Variants in DCDC2B observed in about 807,000 individuals in gnomAD.
The protein encoded by DCDC2B is doublecortin domain-containing protein 2B.
In DCDC2B, 41 loss-of-function variants were observed where a neutral mutation model predicts 38.9. The observed-to-expected ratio is 1.05, with a 90% CI of 0.82 to 1.37. The LOEUF is 1.37. DCDC2B is among the 40% of genes most tolerant of loss of function. The pLI is 0.00. For synonymous variants in DCDC2B, 181 were observed against 171.9 expected (o/e 1.05, Z -0.41); for missense variants, 453 against 427.2 (o/e 1.06, Z -0.53).
rs1229510629 is a variant in DCDC2B at position 32,214,491 on chromosome 1, T to C, written c.715-306T>C. 2.0e-5 allele frequency: 7 copies of C among 356,530 alleles called. No homozygotes were observed. The East Asian group carries it at 2.2e-4, about 11-fold the overall frequency. The allele number at this position is 356,530 out of a possible 1,614,324, so 22.1% of individuals were successfully genotyped here. A position where few individuals can be genotyped will look rare whatever the true frequency, so the allele number is the denominator to read the frequency against. On this transcript the variant is annotated intron_variant, in intron 6 of 8. Coordinates refer to ENST00000409358, the MANE Select transcript of DCDC2B (RefSeq NM_001099434.2). ...GCACAGCAGGGTCCAAGGGAACTTA[T>C]ATTATCCAGCTCTAAGCCCTCCCAA...
In DCDC2B at chr1:32,215,505, G is replaced by C; in HGVS notation, c.916G>C (p.Asp306His). 1 of 1,613,858 alleles carries C rather than the reference G, an allele frequency of 6.2e-7. No homozygotes were observed. Among genetic ancestry groups the C allele is most frequent in the Non-Finnish European group, 8.5e-7 (1 of 1,179,844 alleles). The change falls in exon 8 of 9, where the codon GAT (aspartate) becomes CAT (histidine). Residue 306 changes from aspartate (D) to histidine (H), a missense_variant. By Grantham distance (81) the Asp-to-His change is moderately conservative. Coordinates refer to ENST00000409358, the MANE Select transcript of DCDC2B (RefSeq NM_001099434.2). ...GACAGCGGGGGCCCTGGAAGTAGCAGATGATGAAGACACTCAGACAGAGGA... is the reference window on the plus strand; with the variant it reads ...GACAGCGGGGGCCCTGGAAGTAGCACATGATGAAGACACTCAGACAGAGGA... ...KETAGALEVA[D>H]DEDTQTEEPL...
intron 1 of DCDC2B, 72 bp downstream of exon 1, chr1:32,209,431 C>A (rs1256767388): frequency 1.3e-6 from 2 of 1,555,282 alleles, no homozygotes; most frequent in African/African-American, 1.4e-5. Flanking sequence ...CAGTACCTAC[C>A]ATGTATGTAC....
At chr1:32,213,902 T>G (rs1643688788) in intron 6 of DCDC2B, among the ~76,000 whole-genome samples, 1 of 151,960 alleles carries the variant, frequency 6.6e-6, no homozygotes, top group Admixed American at 6.6e-5. Flanking sequence ...TCTGCCCACC[T>G]CAGCCTCCCA....
At chr1:32,215,732 C>A (rs1028572621) in intron 8 of DCDC2B, 70 bp from the exon 9 acceptor site, 1 of 1,311,120 alleles carries the variant, frequency 7.6e-7, no homozygotes, top group African/African-American at 1.5e-5. Flanking sequence ...GGGTTGGGGA[C>A]CTCCTGGCTG....
Position 32,209,251 on chromosome 1 carries a change from T to C in DCDC2B, c.158T>C (p.Val53Ala). The change falls in exon 1 of 9, where the codon GTG (valine) becomes GCG (alanine). Residue 53 changes from valine to alanine, a missense_variant. Physicochemically the swap from Val to Ala is moderately conservative, Grantham distance 64. Transcript: ENST00000409358. ...VTSAVQAPLA[V>A]RALYTPCHGH... ...TCAGCTGTGCAGGCCCCACTGGCTGTGCGTGCCCTCTACACACCTTGTCAT... is the reference window on the plus strand; with the variant it reads ...TCAGCTGTGCAGGCCCCACTGGCTGCGCGTGCCCTCTACACACCTTGTCAT... 1 of 1,614,008 alleles carries C rather than the reference T, an allele frequency of 6.2e-7. No individual in the cohort carries two copies. The highest frequency in any genetic ancestry group is 2.2e-5 in the East Asian group (1 of 44,878).
intron 1 of DCDC2B, 82 bp downstream of exon 1, chr1:32,209,441 C>A: frequency 6.5e-7 from 1 of 1,547,046 alleles, no homozygotes; most frequent in Non-Finnish European, 8.7e-7. Flanking sequence ...CATGTATGTA[C>A]CAGCATGTTA....
At chr1:32,211,179 T>G in intron 1 of DCDC2B, 93 bp from the exon 2 acceptor site, 1 of 1,152,158 alleles carries the variant, frequency 8.7e-7, no homozygotes, top group Non-Finnish European at 1.3e-6. Flanking sequence ...GAGGGATATC[T>G]GGTGAGCTGC....
chr1:32,213,112 G>A (rs1643656319), intron 6 of DCDC2B, among the ~76,000 whole-genome samples: 1 of 152,152 alleles, frequency 6.6e-6, no homozygotes, highest in Admixed American at 6.6e-5. Flanking sequence ...TGGCCAGGCT[G>A]GTCTTGAACT....
In DCDC2B at chr1:32,216,117, G is replaced by C. The variant is rs141342475; in HGVS notation, c.*220G>C. The C allele has an allele frequency of 6.9e-3, 4,638 of 670,250 alleles. 65 individuals carry two copies. Among genetic ancestry groups the C allele is most frequent in the Middle Eastern group, 0.016 (40 of 2,430 alleles). The allele number at this position is 670,250 out of a possible 1,614,324, so 41.5% of individuals were successfully genotyped here. ...TGGCTGTGGGGGCTATTTCCTTATG[G>C]GATTCTCTGGCCAGAGAAAGGAGTA... is the stretch of plus-strand genomic sequence containing the variant. On this transcript the variant is annotated 3_prime_UTR_variant, in exon 9 of 9. Transcript: ENST00000409358.
In DCDC2B at chr1:32,212,057, CT is replaced by C. The variant is rs765220183; in HGVS notation, c.396-8del. ...CCTGGGGACACTCCCCCTTACCAGG[CT>C]TTTTGTCTCAGTGTGTTCAGGAATG... is the stretch of plus-strand genomic sequence containing the variant. On this transcript the variant is annotated splice_polypyrimidine_tract_variant and intron_variant, in intron 3 of 8. Coordinates refer to ENST00000409358, the MANE Select transcript of DCDC2B (RefSeq NM_001099434.2). 9.3e-5 allele frequency: 150 copies of C among 1,607,720 alleles called. No homozygotes were observed. The highest frequency in any genetic ancestry group is 1.8e-4 in the Admixed American group (11 of 59,750).
At chr1:32,211,439 T>G in intron 2 of DCDC2B, 116 bp downstream of exon 2, 2 of 1,028,764 alleles carry the variant, frequency 1.9e-6, no homozygotes, top group South Asian at 2.9e-5. Flanking sequence ...TCCAGGGGGG[T>G]ACTTTGGAGC....
At chr1:32,212,436 T>C in intron 4 of DCDC2B, 54 bp from the exon 5 acceptor site, 1 of 1,602,068 alleles carries the variant, frequency 6.2e-7, no homozygotes, top group Non-Finnish European at 8.5e-7. Flanking sequence ...GTCTGCTGAA[T>C]GTGAAGAAGC....
chr1:32,215,495 G>C lies in DCDC2B; in HGVS notation c.906G>C (p.Leu302=). Residue 302 remains leucine (L), a synonymous_variant, in exon 8 of 9, where the codon CTG becomes CTC. Transcript: ENST00000409358. ...PHRRKETAGA[L]EVADDEDTQT... is the part of the protein sequence containing the mutation. ...GAAGGAAGGAGACAGCGGGGGCCCT[G>C]GAAGTAGCAGATGATGAAGACACTC... 1.2e-6 allele frequency: 2 copies of C among 1,613,792 alleles called. No individual in the cohort carries two copies. The highest frequency in any genetic ancestry group is 1.7e-6 in the Non-Finnish European group (2 of 1,179,844).
chr1:32,216,175 T>G lies in DCDC2B; in HGVS notation c.*278T>G. The G allele has an allele frequency of 1.2e-6, 1 of 801,200 alleles. No individual in the cohort carries two copies. Among genetic ancestry groups the G allele is most frequent in the Non-Finnish European group, 1.9e-6 (1 of 521,336 alleles). 49.6% of individuals were successfully genotyped at this position (801,200 alleles called of 1,614,324 possible). On this transcript the variant is annotated 3_prime_UTR_variant, in exon 9 of 9. Transcript: ENST00000409358. Reference sequence around the variant, plus strand: ...AAGCCTGGGAGAGGGTTTGTCACAATAAAAGAATACTTACTAACCTCTTGT... The same window carrying G: ...AAGCCTGGGAGAGGGTTTGTCACAAGAAAAGAATACTTACTAACCTCTTGT...
In DCDC2B at chr1:32,212,031, TC is replaced by T. The variant is rs761862198; in HGVS notation, c.396-37del. The T allele has an allele frequency of 1.4e-4, 229 of 1,599,246 alleles. 1 individual carries two copies. The highest frequency in any genetic ancestry group is 1.1e-4 in the Non-Finnish European group (134 of 1,169,888). On this transcript the variant is annotated intron_variant, in intron 3 of 8. Transcript: ENST00000409358. ...CACCCTTCCCCTCACATGTAGGGAC[TC>T]CTGGGGACACTCCCCCTTACCAGGC...
intron 2 of DCDC2B, 28 bp downstream of exon 2, chr1:32,211,351 C>G: frequency 1.2e-6 from 2 of 1,612,532 alleles, no homozygotes; most frequent in Non-Finnish European, 1.7e-6. Context: ...TGTGCCCCAG[C>G]CCCTCTGTCT....
chr1:32,216,096 T>A lies in DCDC2B; in HGVS notation c.*199T>A. 1 of 675,198 alleles carries A rather than the reference T, an allele frequency of 1.5e-6. No individual in the cohort carries two copies. The highest frequency in any genetic ancestry group is 2.5e-6 in the Non-Finnish European group (1 of 403,234). 41.8% of individuals were successfully genotyped at this position (675,198 alleles called of 1,614,324 possible). A position where few individuals can be genotyped will look rare whatever the true frequency, so the allele number is the denominator to read the frequency against. On this transcript the variant is annotated 3_prime_UTR_variant, in exon 9 of 9. Transcript: ENST00000409358. ...TTCCTCTGAGCAGAGCAGCCCTGGC[T>A]GTGGGGGCTATTTCCTTATGGGATT...
Position 32,212,804 on chromosome 1 carries a change from CAGGGGACAATGAG to C in DCDC2B, c.714+12_714+24del, listed in dbSNP as rs763152391. On this transcript the variant is annotated intron_variant, in intron 6 of 8. Transcript: ENST00000409358. ...CCCCACAGGCAGGGGGTAGGTGACG[CAGGGGACAATGAG>C]GGGTGGGAAGAAGGGGAGTGACTGG... 5 of 1,613,194 alleles carry C rather than the reference CAGGGGACAATGAG, an allele frequency of 3.1e-6. No individual in the cohort carries two copies. The African/African-American group carries it at 5.3e-5, about 17-fold the overall frequency.
chr1:32,213,650 A>G (rs1172371653), intron 6 of DCDC2B, among the ~76,000 whole-genome samples: 1 of 151,734 alleles, frequency 6.6e-6, no homozygotes, highest in East Asian at 2.0e-4. Flanking sequence ...CTGGGACTAC[A>G]GGCACCCACC....
Sources: gnomAD v4.1 joint callset for allele counts (sites outside exome capture counted in the v4.1 genomes callset) on GRCh38, gnomAD v4.1.1 for gene constraint, MANE v1.5 for transcripts, NCBI Gene and HGNC (gene_info 2026-07-23, HGNC 2026-07-21) for gene names.